Variants in SYTL2 observed in about 807,000 individuals in gnomAD.
SYTL2 encodes the protein synaptotagmin like 2.
In SYTL2, 165 loss-of-function variants were observed where a neutral mutation model predicts 198.7. The observed-to-expected ratio is 0.83, with a 90% CI of 0.73 to 0.94. The LOEUF (loss-of-function observed/expected upper bound fraction) is 0.94, where lower values mean the gene tolerates loss of function less well. Ranked by LOEUF, SYTL2 falls within the 40% of genes least tolerant of loss-of-function variation. The probability of loss-of-function intolerance (pLI) is 0.00; values close to 1 mark genes in which losing one functional copy is unlikely to be tolerated. For missense variants in SYTL2, 2,835 were observed against 2,582.8 expected (o/e 1.10, Z -2.12); for synonymous variants, 966 against 917.7 (o/e 1.05, Z -0.95).
At chr11:85,750,852 T>C (rs2091468061) in intron 2 of SYTL2, among the ~76,000 whole-genome samples, 1 of 152,194 alleles carries the variant, frequency 6.6e-6, no homozygotes, top group African/African-American at 2.4e-5. Flanking sequence ...AAAAACATCA[T>C]GAAATGTGGT....
At chr11:85,744,509 G>T (rs1207106865) in intron 4 of SYTL2, among the ~76,000 whole-genome samples, 1 of 152,100 alleles carries the variant, frequency 6.6e-6, no homozygotes, top group Non-Finnish European at 1.5e-5. Flanking sequence ...TTCCAAATGG[G>T]AAATAGATAA....
At chr11:85,838,977 C>G in the SYTL2 span, among the ~76,000 whole-genome samples, 2 of 152,130 alleles carry the variant, frequency 1.3e-5, no homozygotes, top group East Asian at 1.9e-4. Flanking sequence ...TTCCTGGGCT[C>G]AAAGGATCCT....
chr11:85,728,418 C>G (rs1251526766), intron 7 of SYTL2, among the ~76,000 whole-genome samples: 8 of 152,088 alleles, frequency 5.3e-5, no homozygotes, highest in Admixed American at 5.2e-4. Context: ...TCCCAAATAG[C>G]TGGGATTACA....
chr11:85,801,860 G>A (rs1213505844), intron 1 of SYTL2, among the ~76,000 whole-genome samples: 1 of 147,348 alleles, frequency 6.8e-6, no homozygotes, highest in Non-Finnish European at 1.5e-5. Context: ...TTACACTGTC[G>A]CTGGAGTGCA....
At position 85,727,178 on chromosome 11, in the gene SYTL2, T is replaced by C; in HGVS notation, c.2180A>G (p.Asp727Gly). Residue 727 changes from aspartate (D) to glycine (G), a missense_variant, in exon 8 of 20, where the codon GAT becomes GGT. Physicochemically the swap from Asp to Gly is moderately conservative, Grantham distance 94. This residue lies in a region of SYTL2 where 2,645 missense variants were observed against 2,381.7 expected (regional missense o/e 1.11). Transcript: ENST00000359152. ...STVVKEPGLK[D>G]NMNAERKSKV... is the part of the protein sequence containing the mutation. The stretch of plus-strand genomic sequence containing the variant: ...GCTCTTTCTCTCTGCATTCATGTTA[T>C]CTTTCAAACCTGGTTCTTTGACAAC... The C allele has an allele frequency of 6.5e-7, 1 of 1,536,598 alleles. No individual in the cohort carries two copies. The highest frequency in any genetic ancestry group is 8.7e-7 in the Non-Finnish European group (1 of 1,147,000).
chr11:85,833,250 T>G, the SYTL2 span, among the ~76,000 whole-genome samples: 1 of 149,442 alleles, frequency 6.7e-6, no homozygotes, highest in Middle Eastern at 3.2e-3. Context: ...ATATTGGGCA[T>G]CTATCATTGC....
chr11:85,829,673 T>C, the SYTL2 span, among the ~76,000 whole-genome samples: 1 of 152,312 alleles, frequency 6.6e-6, no homozygotes, highest in Non-Finnish European at 1.5e-5. Context: ...CCACTAACAG[T>C]GTATAAGTGT....
chr11:85,838,994 C>A, the SYTL2 span, among the ~76,000 whole-genome samples: 1 of 152,128 alleles, frequency 6.6e-6, no homozygotes, highest in Non-Finnish European at 1.5e-5. Flanking sequence ...TCCTCCTCAT[C>A]CTCTAGAATA....
At chr11:85,808,703 T>A (rs1369763888) in intron 1 of SYTL2, among the ~76,000 whole-genome samples, 1 of 152,190 alleles carries the variant, frequency 6.6e-6, no homozygotes, top group Non-Finnish European at 1.5e-5. Context: ...TCAAAGTCCA[T>A]ATATTATGAA....
intron 2 of SYTL2, among the ~76,000 whole-genome samples, chr11:85,752,917 T>C (rs1003459577): frequency 6.2e-4 from 11 of 17,706 alleles, no homozygotes; most frequent in Non-Finnish European, 1.1e-3. Context: ...CTGCCTTCAT[T>C]AAAAAAAAAA....
Position 85,711,210 on chromosome 11 carries a change from G to GT in SYTL2, c.5647dup (p.Thr1883AsnfsTer23). 6.2e-7 allele frequency: 1 copy of GT among 1,613,986 alleles called. No individual in the cohort carries two copies. Among genetic ancestry groups the GT allele is most frequent in the Non-Finnish European group, 8.5e-7 (1 of 1,179,888 alleles). On this transcript the variant is annotated frameshift_variant, in exon 13 of 20. Coordinates refer to ENST00000359152, the MANE Select transcript of SYTL2 (RefSeq NM_206927.4). LOFTEE classifies it high-confidence loss of function. The stretch of plus-strand genomic sequence containing the variant: ...GAGCTGGTAACTGCTTTCTGATGCT[G>GT]TATCTGTTTCTCTGTCATCACTCTA...
upstream of SYTL2, among the ~76,000 whole-genome samples, chr11:85,815,367 T>C (rs1206445670): frequency 1.3e-5 from 2 of 152,220 alleles, no homozygotes; most frequent in Non-Finnish European, 1.5e-5. Flanking sequence ...GTATCAAATG[T>C]ACAGCATTTA....
At chr11:85,837,060 T>C in the SYTL2 span, among the ~76,000 whole-genome samples, 1 of 152,242 alleles carries the variant, frequency 6.6e-6, no homozygotes, top group Admixed American at 6.5e-5. Context: ...AAATTCCAAA[T>C]GTTCTCCTCA....
At chr11:85,768,205 A>C (rs2092284828) in intron 1 of SYTL2, among the ~76,000 whole-genome samples, 1 of 152,218 alleles carries the variant, frequency 6.6e-6, no homozygotes. Context: ...TACTGTGTGC[A>C]AGATCTTCCT....
At position 85,743,408 on chromosome 11, in the gene SYTL2, C is replaced by T. The variant is rs538968183; in HGVS notation, c.389+2229G>A. ...TTTAATGAGCAAAGCATCCTGGATA[C>T]GCCTAACATCTTTATTCTTGCCTTC... is the stretch of plus-strand genomic sequence containing the variant. On this transcript the variant is annotated intron_variant, in intron 4 of 19. Coordinates refer to ENST00000359152, the MANE Select transcript of SYTL2 (RefSeq NM_206927.4). Among the ~76,000 whole-genome samples the T allele has an allele frequency of 1.8e-4, 28 of 152,288 alleles. 1 individual carries two copies. The highest frequency in any genetic ancestry group is 3.5e-4 in the Non-Finnish European group (24 of 68,012).
intron 2 of SYTL2, among the ~76,000 whole-genome samples, chr11:85,755,027 A>C (rs573094342): frequency 3.7e-4 from 56 of 152,302 alleles, no homozygotes; most frequent in South Asian, 1.0e-3. Context: ...ACAACAACAA[A>C]AAAAAATTTC....
the SYTL2 span, among the ~76,000 whole-genome samples, chr11:85,845,943 T>A: frequency 6.6e-6 from 1 of 152,014 alleles, no homozygotes; most frequent in South Asian, 2.1e-4. Flanking sequence ...AATAAATAAA[T>A]AACATAAAAC....
chr11:85,717,241 T>C (rs1035798073), intron 11 of SYTL2: 4 of 236,380 alleles, frequency 1.7e-5, no homozygotes, highest in Admixed American at 1.6e-4. Context: ...ATATCAGCAA[T>C]AACATATATA....
chr11:85,789,380 A>ATATATATATATATG (rs2092696584), intron 1 of SYTL2, among the ~76,000 whole-genome samples: 5 of 72,272 alleles, frequency 6.9e-5, no homozygotes, highest in African/African-American at 2.7e-4. Context: ...ATATATATGT[A>ATATATATATATATG]TATATATATA....
Sources: allele counts gnomAD v4.1 joint callset (sites outside exome capture counted in the v4.1 genomes callset), GRCh38; gene constraint gnomAD v4.1.1; regional missense constraint gnomAD v4.1.1; transcripts MANE v1.5; gene names NCBI Gene and HGNC (gene_info 2026-07-23, HGNC 2026-07-21).